Variants in METTL8 observed in about 807,000 individuals in gnomAD.
METTL8 encodes tRNA N(3)-cytidine methyltransferase METTL8, mitochondrial.
In METTL8, 32 loss-of-function variants were observed where a neutral mutation model predicts 48.7. The ratio of observed to expected loss-of-function variants is 0.66; its 90% CI spans 0.50 to 0.88. The LOEUF is 0.88. Ranked by LOEUF, METTL8 falls within the 40% of genes least tolerant of loss-of-function variation. METTL8 has a pLI of 0.00. For missense variants in METTL8, 464 were observed against 474.4 expected (o/e 0.98, Z 0.20); for synonymous variants, 136 against 157.1 (o/e 0.87, Z 1.01).
At chr2:171,391,548 G>A (rs1356282065) in intron 2 of METTL8, among the ~76,000 whole-genome samples, 1 of 152,168 alleles carries the variant, frequency 6.6e-6, no homozygotes, top group Admixed American at 6.6e-5. Flanking sequence ...TGCCTTGTAG[G>A]GGTAATTATC....
intron 2 of METTL8, among the ~76,000 whole-genome samples, chr2:171,384,847 A>G (rs1687894803): frequency 6.6e-6 from 1 of 152,194 alleles, no homozygotes; most frequent in Non-Finnish European, 1.5e-5. Context: ...TAATTAATTA[A>G]TAAAGTAAGT....
chr2:171,350,743 TG>T (rs1483535754), intron 3 of METTL8, among the ~76,000 whole-genome samples: 1 of 152,268 alleles, frequency 6.6e-6, no homozygotes, highest in Non-Finnish European at 1.5e-5. Flanking sequence ...ATATGTCTGT[TG>T]GCTACATAAA....
At chr2:171,358,697 T>G (rs114199802) in intron 3 of METTL8, among the ~76,000 whole-genome samples, 1 of 146,950 alleles carries the variant, frequency 6.8e-6, no homozygotes, top group Non-Finnish European at 1.5e-5. Flanking sequence ...CCTGAAACTA[T>G]GAAATTACTA....
In METTL8 at chr2:171,385,632, C is replaced by G. The variant is rs1029702288; in HGVS notation, c.143+6411G>C. Reference sequence around the variant, plus strand: ...GAGAGTTCACCACAGGTGTCGGGTGCAGACTGGCCAACCCCTTGGGGGGTA... The same window carrying G: ...GAGAGTTCACCACAGGTGTCGGGTGGAGACTGGCCAACCCCTTGGGGGGTA... On this transcript the variant is annotated intron_variant, in intron 2 of 9. Transcript: ENST00000375258. Among the ~76,000 whole-genome samples the G allele has an allele frequency of 2.6e-5, 4 of 152,298 alleles. No individual in the cohort carries two copies. The East Asian group carries it at 7.7e-4, about 29-fold the overall frequency.
At chr2:171,352,075 G>C (rs72880564) in intron 3 of METTL8, among the ~76,000 whole-genome samples, 1 of 152,104 alleles carries the variant, frequency 6.6e-6, no homozygotes, top group Non-Finnish European at 1.5e-5. Flanking sequence ...CTGCCCGTAC[G>C]TATGATATTG....
At position 171,424,237 on chromosome 2, in the gene METTL8, T is replaced by A. The variant is rs192713566; in HGVS notation, c.-13+9646A>T. On this transcript the variant is annotated intron_variant, in intron 1 of 9. Transcript: ENST00000375258. Reference sequence around the variant, plus strand: ...GTTTGCTGCATGGGTGGAGCCCTCATGGAGAACCTCTGCTATGGCAGTGCG... The same window carrying A: ...GTTTGCTGCATGGGTGGAGCCCTCAAGGAGAACCTCTGCTATGGCAGTGCG... 5.3e-5 allele frequency among the ~76,000 whole-genome samples: 8 copies of A among 152,314 alleles called. No individual in the cohort carries two copies. The East Asian group carries it at 1.2e-3, about 22-fold the overall frequency.
Position 171,319,535 on chromosome 2 carries a change from A to C in METTL8, c.*4637T>G, listed in dbSNP as rs1260278755. On this transcript the variant is annotated 3_prime_UTR_variant, in exon 10 of 10. Transcript: ENST00000375258. Reference sequence around the variant, plus strand: ...AGGGCAGCTATCTGCATATGGGTGAATTTTCACGTACAAGCTAGAGTACAG... The same window carrying C: ...AGGGCAGCTATCTGCATATGGGTGACTTTTCACGTACAAGCTAGAGTACAG... The C allele has an allele frequency of 1.3e-5, 2 of 152,210 alleles. No homozygotes were observed. The highest frequency in any genetic ancestry group is 2.9e-5 in the Non-Finnish European group (2 of 68,042). 9.4% of individuals were successfully genotyped at this position (152,210 alleles called of 1,614,324 possible).
intron 1 of METTL8, among the ~76,000 whole-genome samples, chr2:171,393,200 T>C (rs1324073712): frequency 6.6e-6 from 1 of 151,598 alleles, no homozygotes; most frequent in Non-Finnish European, 1.5e-5. Flanking sequence ...GTGAGAGAGT[T>C]ACTTGAGTCC....
Position 171,379,149 on chromosome 2 carries a change from G to A in METTL8, c.143+12894C>T, listed in dbSNP as rs558918086. On this transcript the variant is annotated intron_variant, in intron 2 of 9. Coordinates refer to ENST00000375258, the MANE Select transcript of METTL8 (RefSeq NM_001321154.2). Reference sequence around the variant, plus strand: ...ATATGGAAATTGAACAACTTGCTCCGGAATGACTCCTGGGTAAATAATGAA... The same window carrying A: ...ATATGGAAATTGAACAACTTGCTCCAGAATGACTCCTGGGTAAATAATGAA... 5.3e-5 allele frequency among the ~76,000 whole-genome samples: 8 copies of A among 152,176 alleles called. No individual in the cohort carries two copies. In the South Asian group the frequency reaches 8.3e-4, roughly 16 times the overall value.
At chr2:171,342,244 A>C (rs1448036639) in intron 3 of METTL8, among the ~76,000 whole-genome samples, 3 of 152,198 alleles carry the variant, frequency 2.0e-5, no homozygotes, top group African/African-American at 7.2e-5. Context: ...TCAAGGCTGA[A>C]TTGTATCTGG....
At chr2:171,369,007 A>G (rs1313403402) in intron 2 of METTL8, among the ~76,000 whole-genome samples, 1 of 152,186 alleles carries the variant, frequency 6.6e-6, no homozygotes, top group Non-Finnish European at 1.5e-5. Flanking sequence ...GATAAAGGCT[A>G]TTAAAAACTC....
chr2:171,375,254 C>T lies in METTL8; in HGVS notation c.144-14741G>A, dbSNP rs1032261084. The T allele has an allele frequency of 4.0e-5, 44 of 1,106,286 alleles. No homozygotes were observed. In the Admixed American group the frequency reaches 5.2e-4, roughly 13 times the overall value. 68.5% of individuals were successfully genotyped at this position (1,106,286 alleles called of 1,614,324 possible). A position where few individuals can be genotyped will look rare whatever the true frequency, so the allele number is the denominator to read the frequency against. ...TGGCCGCGGCCCTTTTTGGCATGAC[C>T]GTTGTTCCTTCTTTTCTTTGTCATC... On this transcript the variant is annotated intron_variant, in intron 2 of 9. Transcript: ENST00000375258.
chr2:171,398,773 T>G (rs934375176), intron 1 of METTL8, among the ~76,000 whole-genome samples: 1 of 152,138 alleles, frequency 6.6e-6, no homozygotes, highest in African/African-American at 2.4e-5. Flanking sequence ...GGCAACCACT[T>G]CACTGTGTAT....
chr2:171,407,835 T>C (rs892015630), intron 1 of METTL8, among the ~76,000 whole-genome samples: 4 of 152,228 alleles, frequency 2.6e-5, no homozygotes, highest in Admixed American at 2.0e-4. Flanking sequence ...GCAGCACAGA[T>C]GTAATACATA....
At chr2:171,354,050 A>G (rs1199466385) in intron 3 of METTL8, among the ~76,000 whole-genome samples, 1 of 152,174 alleles carries the variant, frequency 6.6e-6, no homozygotes, top group Non-Finnish European at 1.5e-5. Flanking sequence ...GTTTCTTCCT[A>G]GCATCGATGG....
chr2:171,380,346 G>A (rs1304413672), intron 2 of METTL8, among the ~76,000 whole-genome samples: 1 of 152,198 alleles, frequency 6.6e-6, no homozygotes, highest in East Asian at 1.9e-4. Context: ...CATAAGACAA[G>A]GATGCCCTCT....
intron 3 of METTL8, among the ~76,000 whole-genome samples, chr2:171,359,618 G>A (rs566298513): frequency 2.0e-5 from 3 of 151,052 alleles, no homozygotes; most frequent in Admixed American, 6.6e-5. Context: ...CAACATTTCC[G>A]GTTTTTTTTT....
chr2:171,372,186 G>A (rs1340974304), intron 2 of METTL8, among the ~76,000 whole-genome samples: 1 of 152,080 alleles, frequency 6.6e-6, no homozygotes, highest in Non-Finnish European at 1.5e-5. Flanking sequence ...GGAAGATTTG[G>A]TAGAACTCAA....
intron 1 of METTL8, among the ~76,000 whole-genome samples, chr2:171,405,353 AG>A (rs1690070018): frequency 6.6e-6 from 1 of 152,214 alleles, no homozygotes; most frequent in Admixed American, 6.6e-5. Flanking sequence ...TAGGAAGAAG[AG>A]GGGTTAGTTT....
Sources: allele counts gnomAD v4.1 joint callset (sites outside exome capture counted in the v4.1 genomes callset), GRCh38; gene constraint gnomAD v4.1.1; transcripts MANE v1.5; gene names NCBI Gene and HGNC (gene_info 2026-07-23, HGNC 2026-07-21).